The following TMEM272 variants were observed in gnomAD, a reference collection of about 807,000 sequenced individuals.
TMEM272 encodes transmembrane protein 272.
Under a neutral mutation model 3.7 loss-of-function variants are expected in TMEM272, and 8 were observed. That is an observed-to-expected ratio of 2.17 (90% CI 1.27 to 3.91). TMEM272 has a LOEUF of 3.91. TMEM272 is among the 30% of genes most tolerant of loss of function. The probability of loss-of-function intolerance (pLI) is 0.00; values close to 1 mark genes in which losing one functional copy is unlikely to be tolerated. For synonymous variants in TMEM272, 63 were observed against 39.8 expected (o/e 1.58, Z -2.20); for missense variants, 166 against 91.5 (o/e 1.81, Z -3.32).
chr13:51,832,784 C>A (rs60634067), intron 2 of TMEM272, among the ~76,000 whole-genome samples: 2,179 of 152,296 alleles, frequency 0.014, 50 homozygotes, highest in African/African-American at 0.05. Flanking sequence ...CACTTAATCC[C>A]CTTTGAATAT....
the TMEM272 span, among the ~76,000 whole-genome samples, chr13:51,867,901 T>G: frequency 2.0e-5 from 3 of 152,162 alleles, no homozygotes; most frequent in Admixed American, 2.0e-4. Flanking sequence ...GGAACCCCAG[T>G]GCAGAGAAAA....
the TMEM272 span, among the ~76,000 whole-genome samples, chr13:51,883,088 C>T: frequency 3.3e-5 from 5 of 152,232 alleles, no homozygotes; most frequent in East Asian, 1.9e-4. Flanking sequence ...TGCCAGCAAC[C>T]GTGGAGCCCC....
At chr13:51,839,457 G>A (rs1014786441) in intron 1 of TMEM272, among the ~76,000 whole-genome samples, 1 of 152,042 alleles carries the variant, frequency 6.6e-6, no homozygotes, top group South Asian at 2.1e-4. Context: ...TGATCCAGGC[G>A]GGATCTGGGG....
the TMEM272 span, among the ~76,000 whole-genome samples, chr13:51,869,650 C>A: frequency 0.31 from 47,535 of 151,618 alleles, 7,597 homozygotes; most frequent in East Asian, 0.42. Flanking sequence ...CCGCCATGCC[C>A]GGCTAATTTT....
rs545955384 is a variant in TMEM272, at chr13:51,825,584, G to A, written c.118+982C>T. ...TACTTTCTGCTCCAATATGCTGTGA[G>A]CTTGGACCTAGAACACTGGGCCTGC... On this transcript the variant is annotated intron_variant, in intron 3 of 4. Transcript: ENST00000629372. 3.3e-5 allele frequency among the ~76,000 whole-genome samples: 5 copies of A among 151,390 alleles called. No homozygotes were observed. The South Asian group carries it at 1.0e-3, about 32-fold the overall frequency.
At chr13:51,929,770 G>A in the TMEM272 span, among the ~76,000 whole-genome samples, 5 of 152,232 alleles carry the variant, frequency 3.3e-5, no homozygotes, top group South Asian at 4.1e-4. Context: ...GCTTCATCCC[G>A]TCTGTGGAAA....
the TMEM272 span, among the ~76,000 whole-genome samples, chr13:51,892,245 G>A: frequency 6.6e-6 from 1 of 152,180 alleles, no homozygotes; most frequent in Non-Finnish European, 1.5e-5. Flanking sequence ...ATCTTTTCCT[G>A]TCAACCATCA....
chr13:51,813,568 C>G lies in TMEM272; in HGVS notation c.*3183G>C. 1 of 282,202 alleles carries G rather than the reference C, an allele frequency of 3.5e-6. No individual in the cohort carries two copies. The highest frequency in any genetic ancestry group is 6.5e-6 in the Non-Finnish European group (1 of 152,924). The allele number at this position is 282,202 out of a possible 1,614,324, so 17.5% of individuals were successfully genotyped here. The stretch of plus-strand genomic sequence containing the variant: ...GCCAGTCCAGGCTGTATGTGTGGCC[C>G]GAGTGCACACATGCGGTTTCTCTGG... On this transcript the variant is annotated 3_prime_UTR_variant, in exon 5 of 5. Coordinates refer to ENST00000629372, the MANE Select transcript of TMEM272 (RefSeq NM_001351003.2).
At chr13:51,851,440 C>G in the TMEM272 span, among the ~76,000 whole-genome samples, 1 of 59,960 alleles carries the variant, frequency 1.7e-5, no homozygotes, top group Non-Finnish European at 3.3e-5. Flanking sequence ...AGACGCCCTA[C>G]ATTTGTAGTC....
the TMEM272 span, among the ~76,000 whole-genome samples, chr13:51,914,986 A>G: frequency 6.6e-6 from 1 of 152,244 alleles, no homozygotes; most frequent in Non-Finnish European, 1.5e-5. Context: ...TTAAGAAAAG[A>G]AGGATATAAA....
chr13:51,869,149 C>T, the TMEM272 span, among the ~76,000 whole-genome samples: 1 of 152,150 alleles, frequency 6.6e-6, no homozygotes, highest in African/African-American at 2.4e-5. Context: ...AGTTGAACCC[C>T]CTTATTTTGT....
chr13:51,857,537 C>T, the TMEM272 span, among the ~76,000 whole-genome samples: 5 of 152,098 alleles, frequency 3.3e-5, no homozygotes, highest in South Asian at 2.1e-4. Context: ...ATCTAAGATT[C>T]TAGCATTATC....
intron 1 of TMEM272, among the ~76,000 whole-genome samples, chr13:51,842,913 C>G (rs182888497): frequency 6.6e-6 from 1 of 152,188 alleles, no homozygotes; most frequent in Admixed American, 6.5e-5. Context: ...TTCATGCACA[C>G]GTAGATCTCT....
intron 1 of TMEM272, among the ~76,000 whole-genome samples, chr13:51,839,826 A>G (rs1276794680): frequency 6.6e-6 from 1 of 152,220 alleles, no homozygotes; most frequent in African/African-American, 2.4e-5. Context: ...TTCTCTCTGC[A>G]GCTGATCCAC....
the TMEM272 span, among the ~76,000 whole-genome samples, chr13:51,888,606 A>C: frequency 6.7e-6 from 1 of 148,890 alleles, no homozygotes; most frequent in South Asian, 2.1e-4. Flanking sequence ...AAATTGGTAC[A>C]GTTTTAATTA....
the TMEM272 span, among the ~76,000 whole-genome samples, chr13:51,883,186 G>A: frequency 3.3e-5 from 5 of 152,252 alleles, no homozygotes; most frequent in African/African-American, 1.2e-4. Context: ...AAGCCAGCCA[G>A]GAGGGAACGG....
the TMEM272 span, among the ~76,000 whole-genome samples, chr13:51,895,948 A>G: frequency 6.6e-6 from 1 of 152,122 alleles, no homozygotes; most frequent in Non-Finnish European, 1.5e-5. Context: ...CATAGCAACC[A>G]ACGTAACCAC....
At chr13:51,913,209 C>A in the TMEM272 span, among the ~76,000 whole-genome samples, 1 of 152,158 alleles carries the variant, frequency 6.6e-6, no homozygotes, top group Non-Finnish European at 1.5e-5. Context: ...TCCCTTTCCC[C>A]CAAATGGCAG....
At chr13:51,902,017 A>G in the TMEM272 span, among the ~76,000 whole-genome samples, 1 of 152,306 alleles carries the variant, frequency 6.6e-6, no homozygotes, top group East Asian at 1.9e-4. Flanking sequence ...ACTGGGGTCA[A>G]GCTCCATGGA....
Sources: allele counts gnomAD v4.1 joint callset (sites outside exome capture counted in the v4.1 genomes callset), GRCh38; gene constraint gnomAD v4.1.1; transcripts MANE v1.5; gene names NCBI Gene and HGNC (gene_info 2026-07-23, HGNC 2026-07-21).